The following RILPL1 variants were observed in gnomAD, a reference collection of about 807,000 sequenced individuals.
The protein encoded by RILPL1 is RILP-like protein 1.
A neutral mutation model predicts 50.3 loss-of-function variants in RILPL1; 33 were observed. The ratio of observed to expected loss-of-function variants is 0.66; its 90% CI spans 0.50 to 0.88. RILPL1 has a LOEUF of 0.88. RILPL1 is among the 40% of genes least tolerant of loss of function. RILPL1 has a pLI of 0.00. For missense variants in RILPL1, 418 were observed against 542.5 expected (o/e 0.77, Z 2.28); for synonymous variants, 205 against 228.6 (o/e 0.90, Z 0.93).
rs1566119275 is a variant in RILPL1, at chr12:123,489,011, G to A, written c.802-3206C>T. The stretch of plus-strand genomic sequence containing the variant: ...ACCACCCGGCAGCCACACACTCCAT[G>A]TCTCCACCCAAGACCACATACAACA... On this transcript the variant is annotated intron_variant, in intron 4 of 6. Transcript: ENST00000376874. This position sits in a 1 kb window ranked among gnomAD's most constrained non-coding sequence, Gnocchi z 4.0. 6.6e-6 allele frequency among the ~76,000 whole-genome samples: 1 copy of A among 152,128 alleles called. No homozygotes were observed. The highest frequency in any genetic ancestry group is 2.1e-4 in the South Asian group (1 of 4,830).
intron 6 of RILPL1, among the ~76,000 whole-genome samples, chr12:123,477,939 G>A (rs1351719174): frequency 6.7e-6 from 1 of 149,826 alleles, no homozygotes; most frequent in Non-Finnish European, 1.5e-5. Context: ...AATGCTCGGG[G>A]GCCTGGGACA....
At chr12:123,499,087 C>T (rs952401051) in intron 3 of RILPL1, among the ~76,000 whole-genome samples, 1 of 152,184 alleles carries the variant, frequency 6.6e-6, no homozygotes, top group African/African-American at 2.4e-5. Flanking sequence ...CTGGAGCACG[C>T]TGGACCCTGC....
At chr12:123,486,254 G>C (rs990415321) in intron 4 of RILPL1, among the ~76,000 whole-genome samples, 16 of 152,136 alleles carry the variant, frequency 1.1e-4, no homozygotes, top group Admixed American at 6.5e-5. Flanking sequence ...TCATTTGACA[G>C]TAAGTCATAT....
chr12:123,503,706 C>T (rs1883550810), intron 2 of RILPL1, among the ~76,000 whole-genome samples: 1 of 152,136 alleles, frequency 6.6e-6, no homozygotes, highest in Middle Eastern at 3.4e-3. Context: ...GATAACATCC[C>T]CATCTCAAGA....
At position 123,491,274 on chromosome 12, in the gene RILPL1, G is replaced by T. The variant is rs1882674553; in HGVS notation, c.802-5469C>A. Among the ~76,000 whole-genome samples the T allele has an allele frequency of 6.6e-6, 1 of 152,188 alleles. No homozygotes were observed. Among genetic ancestry groups the T allele is most frequent in the Non-Finnish European group, 1.5e-5 (1 of 68,022 alleles). On this transcript the variant is annotated intron_variant, in intron 4 of 6. Transcript: ENST00000376874. The surrounding 1 kb of genome is among the most constrained non-coding windows in gnomAD (Gnocchi z 4.0). Reference sequence around the variant, plus strand: ...CGGGACCGGGAGGTGGCTCGGGTTAGCTGAGATAAGCTGGGGCCTTTTGTG... The same window carrying T: ...CGGGACCGGGAGGTGGCTCGGGTTATCTGAGATAAGCTGGGGCCTTTTGTG...
intron 2 of RILPL1, among the ~76,000 whole-genome samples, chr12:123,505,216 G>A (rs1412997481): frequency 2.6e-5 from 4 of 152,070 alleles, no homozygotes; most frequent in Non-Finnish European, 4.4e-5. Context: ...ATTTTTAGTA[G>A]AGACAGGATT....
rs989761636 is a variant in RILPL1, at chr12:123,498,405, G to A, written c.801+139C>T. ...TGGCTAATTAAAAAAAATGTTTGTAGAGAATTGGGGTCTTGCTATGTTGCC... is the reference window on the plus strand; with the variant it reads ...TGGCTAATTAAAAAAAATGTTTGTAAAGAATTGGGGTCTTGCTATGTTGCC... On this transcript the variant is annotated intron_variant, in intron 4 of 6. Coordinates refer to ENST00000376874, the MANE Select transcript of RILPL1 (RefSeq NM_178314.5). The surrounding 1 kb of genome is among the most constrained non-coding windows in gnomAD (Gnocchi z 4.3). 1 of 694,582 alleles carries A rather than the reference G, an allele frequency of 1.4e-6. No homozygotes were observed. The highest frequency in any genetic ancestry group is 2.4e-6 in the Non-Finnish European group (1 of 412,120). The allele number at this position is 694,582 out of a possible 1,614,324, so 43.0% of individuals were successfully genotyped here. A position where few individuals can be genotyped will look rare whatever the true frequency, so the allele number is the denominator to read the frequency against.
At chr12:123,517,228 ACTC>A (rs1399240907) in intron 2 of RILPL1, among the ~76,000 whole-genome samples, 1 of 151,854 alleles carries the variant, frequency 6.6e-6, no homozygotes, top group Admixed American at 6.6e-5. Flanking sequence ...GCAAGGAAGG[ACTC>A]CTGCTGAGAG....
intron 2 of RILPL1, among the ~76,000 whole-genome samples, chr12:123,505,035 TTTTG>T (rs1300989547): frequency 8.7e-6 from 1 of 114,918 alleles, no homozygotes; most frequent in African/African-American, 4.4e-5. Flanking sequence ...CATCAAGTTT[TTTTG>T]TTTTTTTTTT....
intron 6 of RILPL1, chr12:123,473,122 T>C (rs550809220): frequency 1.1e-5 from 2 of 177,382 alleles, no homozygotes; most frequent in East Asian, 1.4e-4. Flanking sequence ...AATAGTTCTG[T>C]ATTTGTTTAA....
At chr12:123,515,415 C>T (rs1042486100) in intron 2 of RILPL1, 9 of 151,050 alleles carry the variant, frequency 6.0e-5, no homozygotes, top group Non-Finnish European at 1.0e-4. Flanking sequence ...CTGACTCTTA[C>T]GCAGTAAGAG....
In RILPL1 at chr12:123,489,351, A is replaced by C. The variant is rs949854232; in HGVS notation, c.802-3546T>G. Reference sequence around the variant, plus strand: ...AGCCTGGACAACATGGTGAAACGCTATCTCTACTGAAAATACAAAAATTAG... The same window carrying C: ...AGCCTGGACAACATGGTGAAACGCTCTCTCTACTGAAAATACAAAAATTAG... On this transcript the variant is annotated intron_variant, in intron 4 of 6. Transcript: ENST00000376874. The surrounding 1 kb of genome is among the most constrained non-coding windows in gnomAD (Gnocchi z 4.0). 2.0e-5 allele frequency among the ~76,000 whole-genome samples: 3 copies of C among 151,792 alleles called. No individual in the cohort carries two copies. The highest frequency in any genetic ancestry group is 2.9e-5 in the Non-Finnish European group (2 of 67,976).
chr12:123,493,153 C>T (rs1028793024), intron 4 of RILPL1, among the ~76,000 whole-genome samples: 14 of 152,196 alleles, frequency 9.2e-5, no homozygotes, highest in Admixed American at 4.6e-4. Context: ...CCCGATTGTA[C>T]GTTCCATCTA....
At chr12:123,503,696 G>A (rs1252241117) in intron 2 of RILPL1, among the ~76,000 whole-genome samples, 4 of 152,008 alleles carry the variant, frequency 2.6e-5, no homozygotes, top group African/African-American at 7.2e-5. Flanking sequence ...AGTAAGCCAG[G>A]ATAACATCCC....
chr12:123,525,106 T>C (rs1048526113), intron 1 of RILPL1, among the ~76,000 whole-genome samples: 4 of 152,146 alleles, frequency 2.6e-5, no homozygotes, highest in Non-Finnish European at 5.9e-5. Flanking sequence ...CACTCCAGCC[T>C]GGGTGACAGA....
chr12:123,498,398 G>T lies in RILPL1; in HGVS notation c.801+146C>A. On this transcript the variant is annotated intron_variant, in intron 4 of 6. Transcript: ENST00000376874. The surrounding 1 kb of genome is among the most constrained non-coding windows in gnomAD (Gnocchi z 4.3). ...CCACGCGTGGCTAATTAAAAAAAATGTTTGTAGAGAATTGGGGTCTTGCTA... is the reference window on the plus strand; with the variant it reads ...CCACGCGTGGCTAATTAAAAAAAATTTTTGTAGAGAATTGGGGTCTTGCTA... 1.5e-6 allele frequency: 1 copy of T among 681,526 alleles called. No homozygotes were observed. 42.2% of individuals were successfully genotyped at this position (681,526 alleles called of 1,614,324 possible).
intron 2 of RILPL1, among the ~76,000 whole-genome samples, chr12:123,521,175 T>C (rs1884987112): frequency 6.6e-6 from 1 of 152,118 alleles, no homozygotes; most frequent in Non-Finnish European, 1.5e-5. Context: ...CCAGGTAAGA[T>C]TCTAAGCGGT....
intron 6 of RILPL1, among the ~76,000 whole-genome samples, chr12:123,477,544 G>A (rs555509625): frequency 3.0e-4 from 45 of 152,052 alleles, no homozygotes; most frequent in African/African-American, 1.0e-3. Context: ...TCCCTGTGTT[G>A]GCCAGGTTGG....
intron 1 of RILPL1, 32 bp from the exon 2 acceptor site, chr12:123,523,677 T>C: frequency 6.2e-7 from 1 of 1,604,870 alleles, no homozygotes; most frequent in Non-Finnish European, 8.5e-7. Context: ...ATGGGGTCAC[T>C]GCCTGCCCAG....
Sources: allele counts gnomAD v4.1 joint callset (sites outside exome capture counted in the v4.1 genomes callset), GRCh38; gene constraint gnomAD v4.1.1; non-coding constraint Gnocchi (gnomAD v3.1); transcripts MANE v1.5; gene names NCBI Gene and HGNC (gene_info 2026-07-23, HGNC 2026-07-21).